The following CSMD1 variants were observed in gnomAD, a reference collection of about 807,000 sequenced individuals.
CSMD1 encodes CUB and sushi domain-containing protein 1.
In CSMD1, 213 loss-of-function variants were observed where a neutral mutation model predicts 417.5. The ratio of observed to expected loss-of-function variants is 0.51; its 90% CI spans 0.46 to 0.57. The LOEUF (loss-of-function observed/expected upper bound fraction) is 0.57. Ranked by LOEUF, CSMD1 falls within the 20% of genes least tolerant of loss-of-function variation. The pLI is 0.00. For missense variants in CSMD1, 6,923 were observed against 4,529.7 expected, an observed-to-expected ratio of 1.53 and a Z score of -15.17; for synonymous variants, 2,862 against 1,736.8, an observed-to-expected ratio of 1.65 and a Z score of -16.11.
At chr8:3,710,749 C>A (rs1394876908) in intron 6 of CSMD1, among the ~76,000 whole-genome samples, 1 of 152,170 alleles carries the variant, frequency 6.6e-6, no homozygotes, top group Non-Finnish European at 1.5e-5. Flanking sequence ...TTCCAAAAGC[C>A]ATCTGAGATA....
At position 3,443,392 on chromosome 8, in the gene CSMD1, A is replaced by G. The variant is rs530453081; in HGVS notation, c.1561+25320T>C. ...TATAGAATGAGCTCCAGAATTCATT[A>G]GATAGAAAAAAAATAGAGCCTAAAA... On this transcript the variant is annotated intron_variant, in intron 12 of 69. Transcript: ENST00000635120. 7.9e-5 allele frequency among the ~76,000 whole-genome samples: 12 copies of G among 152,334 alleles called. No individual in the cohort carries two copies. In the East Asian group the frequency reaches 1.9e-3, roughly 24 times the overall value.
intron 1 of CSMD1, among the ~76,000 whole-genome samples, chr8:4,722,633 T>C (rs1251606545): frequency 1.3e-5 from 2 of 152,106 alleles, no homozygotes; most frequent in African/African-American, 2.4e-5. Flanking sequence ...CCACAGGCAA[T>C]GTAATAGTCT....
intron 41 of CSMD1, among the ~76,000 whole-genome samples, chr8:3,129,851 T>C (rs573549821): frequency 1.3e-5 from 2 of 152,134 alleles, no homozygotes; most frequent in South Asian, 4.1e-4. Flanking sequence ...TAGCCGGGCA[T>C]GTTGACACAC....
At chr8:3,051,443 G>A (rs920435260) in intron 50 of CSMD1, among the ~76,000 whole-genome samples, 4 of 152,152 alleles carry the variant, frequency 2.6e-5, no homozygotes, top group Non-Finnish European at 4.4e-5. Context: ...GGGCCTATGG[G>A]AGGGTGGAGG....
chr8:4,726,329 G>C (rs1054245879), intron 1 of CSMD1, among the ~76,000 whole-genome samples: 1 of 150,704 alleles, frequency 6.6e-6, no homozygotes, highest in Non-Finnish European at 1.5e-5. Context: ...AAAAAAAAAA[G>C]CTTTTTGTAT....
At chr8:4,785,315 AG>A (rs1265465653) in intron 1 of CSMD1, among the ~76,000 whole-genome samples, 3 of 152,122 alleles carry the variant, frequency 2.0e-5, no homozygotes, top group African/African-American at 7.2e-5. Flanking sequence ...TGGGGTGCAA[AG>A]CATTGGTGGA....
At chr8:4,953,693 C>T (rs1037699881) in intron 1 of CSMD1, among the ~76,000 whole-genome samples, 6 of 152,160 alleles carry the variant, frequency 3.9e-5, no homozygotes, top group African/African-American at 1.4e-4. Flanking sequence ...TATCAATATG[C>T]TATTTTTACA....
At chr8:3,385,400 C>G (rs537124474) in intron 18 of CSMD1, among the ~76,000 whole-genome samples, 1 of 151,208 alleles carries the variant, frequency 6.6e-6, no homozygotes, top group Non-Finnish European at 1.5e-5. Flanking sequence ...ATATCCTATG[C>G]GGAAATCTAT....
chr8:3,752,966 A>C (rs1250323669), intron 6 of CSMD1, among the ~76,000 whole-genome samples: 1 of 152,206 alleles, frequency 6.6e-6, no homozygotes, highest in East Asian at 1.9e-4. Context: ...TAAAATCTCC[A>C]GCAGGAGCTA....
intron 12 of CSMD1, among the ~76,000 whole-genome samples, chr8:3,455,660 C>T (rs531025958): frequency 1.3e-5 from 2 of 152,330 alleles, no homozygotes; most frequent in East Asian, 1.9e-4. Context: ...GCTGCCTGAT[C>T]CTTCCTCTGG....
At chr8:3,445,711 G>T (rs557538811) in intron 12 of CSMD1, among the ~76,000 whole-genome samples, 1 of 152,256 alleles carries the variant, frequency 6.6e-6, no homozygotes, top group East Asian at 1.9e-4. Context: ...TGTAGCAAAT[G>T]AGGAGTTCTG....
intron 9 of CSMD1, among the ~76,000 whole-genome samples, chr8:3,581,660 G>C (rs990162491): frequency 6.6e-6 from 1 of 152,158 alleles, no homozygotes; most frequent in Non-Finnish European, 1.5e-5. Context: ...GCTCAGAATG[G>C]ACCTGATGTT....
Position 3,539,763 on chromosome 8 carries a change from T to TAAA in CSMD1, c.1344+35179_1344+35181dup, listed in dbSNP as rs33938448. On this transcript the variant is annotated intron_variant, in intron 10 of 69. Coordinates refer to ENST00000635120, the MANE Select transcript of CSMD1 (RefSeq NM_033225.6). Reference sequence around the variant, plus strand: ...AGAATCTCTAGCCCTTTCTTTATGATAAAAAAAAAAAAAAACACAAGAAAG... The same window carrying TAAA: ...AGAATCTCTAGCCCTTTCTTTATGATAAAAAAAAAAAAAAAAAACACAAGAAAG... Among the ~76,000 whole-genome samples, 820 of 129,720 alleles carry TAAA rather than the reference T, an allele frequency of 6.3e-3. 4 individuals are homozygous for TAAA. The highest frequency in any genetic ancestry group is 0.011 in the East Asian group (51 of 4,738). 85.1% of individuals were successfully genotyped at this position (129,720 alleles called of 152,430 possible).
chr8:3,643,909 A>T (rs758492942), intron 7 of CSMD1, among the ~76,000 whole-genome samples: 1 of 152,176 alleles, frequency 6.6e-6, no homozygotes, highest in Non-Finnish European at 1.5e-5. Flanking sequence ...GCAAGAGATG[A>T]ACAAAACCTA....
chr8:3,682,071 C>T (rs1190573630), intron 7 of CSMD1, among the ~76,000 whole-genome samples: 2 of 152,122 alleles, frequency 1.3e-5, no homozygotes, highest in African/African-American at 4.8e-5. Context: ...AATGTTAGAC[C>T]TAAAATCGTA....
At chr8:4,681,324 C>A (rs184952458) in intron 1 of CSMD1, among the ~76,000 whole-genome samples, 3 of 152,094 alleles carry the variant, frequency 2.0e-5, no homozygotes, top group African/African-American at 7.2e-5. Flanking sequence ...AGTACAATAT[C>A]TGATATAAGT....
chr8:3,754,383 T>C (rs1023991076), intron 5 of CSMD1, among the ~76,000 whole-genome samples: 12 of 152,226 alleles, frequency 7.9e-5, no homozygotes, highest in East Asian at 1.9e-4. Context: ...GGAAAAGAAA[T>C]AGGAAAATGA....
At chr8:4,440,423 C>T (rs1563175342) in intron 2 of CSMD1, among the ~76,000 whole-genome samples, 1 of 152,012 alleles carries the variant, frequency 6.6e-6, no homozygotes, top group Admixed American at 6.6e-5. Flanking sequence ...TCTAATTATC[C>T]CTTTTCCCCC....
chr8:3,442,966 ATTAAT>A (rs1249955716), intron 12 of CSMD1, among the ~76,000 whole-genome samples: 1 of 152,132 alleles, frequency 6.6e-6, no homozygotes, highest in Non-Finnish European at 1.5e-5. Context: ...ACATGGTTTT[ATTAAT>A]TTAAATCATT....
Sources: gnomAD v4.1 joint callset for allele counts (sites outside exome capture counted in the v4.1 genomes callset) on GRCh38, gnomAD v4.1.1 for gene constraint, MANE v1.5 for transcripts, NCBI Gene and HGNC (gene_info 2026-07-23, HGNC 2026-07-21) for gene names.